FNBP4: variants seen among roughly 807,000 people sequenced by gnomAD.
FNBP4 encodes the protein formin-binding protein 4.
FNBP4 carries 34 observed loss-of-function variants against 119.3 expected under a neutral mutation model. That is an observed-to-expected ratio of 0.28 (90% CI 0.22 to 0.38). FNBP4 has a LOEUF of 0.38. Among genes scored for constraint, FNBP4 ranks in the 10% least tolerant of loss-of-function variants. The pLI is 1.00. For synonymous variants in FNBP4, 462 were observed against 430.6 expected (o/e 1.07, Z -0.90); for missense variants, 1,112 against 1,228.9 (o/e 0.90, Z 1.42).
At position 47,731,304 on chromosome 11, in the gene FNBP4, T is replaced by C. The variant is rs550461320; in HGVS notation, c.2008+70A>G. On this transcript the variant is annotated intron_variant, in intron 12 of 16. Transcript: ENST00000263773. ...ATTATTATGACATAAAATCTTTTAA[T>C]AATGTAAATTAATAAGATTTTTCCT... is the stretch of plus-strand genomic sequence containing the variant. The C allele has an allele frequency of 1.1e-4, 156 of 1,388,922 alleles. No homozygotes were observed. The African/African-American group carries it at 2.0e-3, about 17-fold the overall frequency. The allele number at this position is 1,388,922 out of a possible 1,614,324, so 86.0% of individuals were successfully genotyped here.
intron 2 of FNBP4, among the ~76,000 whole-genome samples, chr11:47,764,274 G>A (rs1354298539): frequency 6.6e-6 from 1 of 152,076 alleles, no homozygotes; most frequent in Non-Finnish European, 1.5e-5. Flanking sequence ...TAGAGATGGG[G>A]TTTCACCATG....
chr11:47,739,565 A>C (rs535942805), intron 8 of FNBP4, among the ~76,000 whole-genome samples: 4 of 152,318 alleles, frequency 2.6e-5, no homozygotes, highest in African/African-American at 9.6e-5. Context: ...TACATAAAAT[A>C]TATTCATCAG....
intron 2 of FNBP4, among the ~76,000 whole-genome samples, chr11:47,763,731 A>C (rs1373513626): frequency 6.6e-6 from 1 of 152,006 alleles, no homozygotes; most frequent in Non-Finnish European, 1.5e-5. Flanking sequence ...CGATCTCCTG[A>C]CGTCATTATC....
At chr11:47,731,106 T>C (rs1185518639) in intron 12 of FNBP4, among the ~76,000 whole-genome samples, 1 of 152,200 alleles carries the variant, frequency 6.6e-6, no homozygotes, top group Non-Finnish European at 1.5e-5. Flanking sequence ...GCTTAGTCAG[T>C]GGCATGATAG....
intron 12 of FNBP4, chr11:47,726,223 A>C (rs1051269756): frequency 1.3e-5 from 2 of 152,132 alleles, no homozygotes; most frequent in Non-Finnish European, 2.9e-5. Context: ...CTGGCACTCA[A>C]CAAGGTAAAA....
At chr11:47,749,455 A>C (rs1403837733) in intron 6 of FNBP4, among the ~76,000 whole-genome samples, 1 of 152,108 alleles carries the variant, frequency 6.6e-6, no homozygotes. Flanking sequence ...GCTACTCGGG[A>C]AGTTGAGGCA....
rs1343618603 is a variant in FNBP4 at position 47,717,102 on chromosome 11, GGAGTCCTCTACAGAAGTGTTATACTCAT to G, written c.*292_*319del. The G allele has an allele frequency of 1.1e-5, 2 of 190,346 alleles. No homozygotes were observed. The highest frequency in any genetic ancestry group is 2.6e-4 in the East Asian group (2 of 7,800). 11.8% of individuals were successfully genotyped at this position (190,346 alleles called of 1,614,324 possible). ...GAAGTTAATTCTTCACTTTTGTCAGGGAGTCCTCTACAGAAGTGTTATACTCATGAGCCACATGTTCTTCAAGACTGAT... is the reference window on the plus strand; with the variant it reads ...GAAGTTAATTCTTCACTTTTGTCAGGGAGCCACATGTTCTTCAAGACTGAT... On this transcript the variant is annotated 3_prime_UTR_variant, in exon 17 of 17. Transcript: ENST00000263773.
rs900015692 is a variant in FNBP4, at chr11:47,766,954, G to C, written c.220+115C>G. On this transcript the variant is annotated intron_variant, in intron 1 of 16. Coordinates refer to ENST00000263773, the MANE Select transcript of FNBP4 (RefSeq NM_015308.5). ...CCGCCCCGCCTGCAGGCCCGCAGCA[G>C]GCAGGCCTCGGAAGCCGACCTCGCC... is the stretch of plus-strand genomic sequence containing the variant. 6 of 1,383,956 alleles carry C rather than the reference G, an allele frequency of 4.3e-6. No homozygotes were observed. The African/African-American group carries it at 7.6e-5, about 18-fold the overall frequency. The allele number at this position is 1,383,956 out of a possible 1,614,324, so 85.7% of individuals were successfully genotyped here.
chr11:47,718,316 C>A (rs1016352339), intron 16 of FNBP4, among the ~76,000 whole-genome samples: 1 of 151,994 alleles, frequency 6.6e-6, no homozygotes. Context: ...TAGGTCCAAG[C>A]GATTCTCCTG....
At chr11:47,757,562 T>C (rs1410041206) in intron 2 of FNBP4, among the ~76,000 whole-genome samples, 1 of 150,322 alleles carries the variant, frequency 6.7e-6, no homozygotes, top group Non-Finnish European at 1.5e-5. Context: ...GGCGCAATCT[T>C]GGCTCATTGC....
Position 47,717,356 on chromosome 11 carries a change from C to A in FNBP4, c.*66G>T. The A allele has an allele frequency of 9.3e-7, 1 of 1,078,590 alleles. No homozygotes were observed. The highest frequency in any genetic ancestry group is 1.4e-6 in the Non-Finnish European group (1 of 729,434). The allele number at this position is 1,078,590 out of a possible 1,614,324, so 66.8% of individuals were successfully genotyped here. A position where few individuals can be genotyped will look rare whatever the true frequency, so the allele number is the denominator to read the frequency against. ...ATTTATAGTTTATTTGACAATAAAA[C>A]TGGTTAAGACTTTGAACTGAACACA... On this transcript the variant is annotated 3_prime_UTR_variant, in exon 17 of 17. Transcript: ENST00000263773.
At chr11:47,753,153 A>G (rs757917844) in intron 3 of FNBP4, 51 bp from the exon 4 acceptor site, 1 of 1,456,552 alleles carries the variant, frequency 6.9e-7, no homozygotes, top group Non-Finnish European at 9.3e-7. Context: ...AAAACAAGAA[A>G]CTTAAGGAAA....
rs757472760 is a variant in FNBP4 at position 47,723,062 on chromosome 11, G to T, written c.2719C>A (p.Pro907Thr). The T allele has an allele frequency of 1.1e-5, 18 of 1,601,090 alleles. No homozygotes were observed. In the Admixed American group the frequency reaches 3.2e-4, roughly 28 times the overall value. Residue 907 changes from proline to threonine, a missense_variant, in exon 15 of 17, where the codon CCA (proline) becomes ACA (threonine). This residue lies in a region of FNBP4 where 826 missense variants were observed against 988.8 expected (regional missense o/e 0.84). Transcript: ENST00000263773. ...VPTATIIEPP[P>T]PPPPPPPPPP... ...GGAGGAGGAGGAGGAGGAGGTGGTG[G>T]TGGTGGTTCTATAATGGTAGCGGTA...
rs150185975 is a variant in FNBP4 at position 47,720,116 on chromosome 11, T to C, written c.2806-30A>G. 3,289 of 1,590,490 alleles carry C rather than the reference T, an allele frequency of 2.1e-3. 5 individuals carry two copies. Among genetic ancestry groups the C allele is most frequent in the Middle Eastern group, 8.5e-3 (51 of 5,988 alleles). ...AACAAAGGTTAAAGGTCAAAAGGAA[T>C]AGAAAACATAAAATAAGGATAAGCG... On this transcript the variant is annotated intron_variant, in intron 15 of 16. Coordinates refer to ENST00000263773, the MANE Select transcript of FNBP4 (RefSeq NM_015308.5).
intron 7 of FNBP4, among the ~76,000 whole-genome samples, 168 bp from the exon 8 acceptor site, chr11:47,744,331 T>C (rs1326327511): frequency 6.6e-6 from 1 of 152,064 alleles, no homozygotes; most frequent in Non-Finnish European, 1.5e-5. Context: ...TGGAGTGCAG[T>C]GGCATGATCA....
chr11:47,734,977 C>CA (rs2097572010), intron 9 of FNBP4, among the ~76,000 whole-genome samples: 2 of 98,166 alleles, frequency 2.0e-5, no homozygotes, highest in African/African-American at 7.7e-5. Flanking sequence ...ATCACCCCAA[C>CA]ACCCCCCCCC....
Position 47,724,111 on chromosome 11 carries a change from G to A in FNBP4, c.2381C>T (p.Thr794Ile). The change falls in exon 14 of 17, where the codon ACA (threonine) becomes ATA (isoleucine). Residue 794 changes from threonine (T) to isoleucine (I), a missense_variant. By Grantham distance (89) the Thr-to-Ile change is moderately conservative (BLOSUM62 -1). Around this residue, in one of 2 missense-constraint regions of FNBP4, gnomAD observed 826 missense variants for 988.8 expected, o/e 0.84. Transcript: ENST00000263773. Reference protein sequence around the residue: ...SSTKGIKRKATEISTAVVQRS... With the variant: ...SSTKGIKRKAIEISTAVVQRS... ...CTGAACCACTGCAGTGCTAATTTCT[G>A]TAGCTTTCCTCTTTATTCCTTTAGT... 6.2e-7 allele frequency: 1 copy of A among 1,614,188 alleles called. No individual in the cohort carries two copies. Among genetic ancestry groups the A allele is most frequent in the Non-Finnish European group, 8.5e-7 (1 of 1,180,020 alleles).
chr11:47,765,851 C>CTTTTT (rs1167976570), intron 1 of FNBP4, among the ~76,000 whole-genome samples: 2,369 of 82,084 alleles, frequency 0.029, 389 homozygotes, highest in African/African-American at 0.1. Context: ...GAGCTGGAAT[C>CTTTTT]TTTTTTTTTT....
intron 7 of FNBP4, among the ~76,000 whole-genome samples, chr11:47,745,058 C>T (rs1450214437): frequency 6.6e-6 from 1 of 152,098 alleles, no homozygotes; most frequent in Non-Finnish European, 1.5e-5. Context: ...ATCTCTTAAT[C>T]CTGTTATCTT....
Sources: gnomAD v4.1 joint callset for allele counts (sites outside exome capture counted in the v4.1 genomes callset) on GRCh38, gnomAD v4.1.1 for gene constraint, gnomAD v4.1.1 regional missense constraint, MANE v1.5 for transcripts, NCBI Gene and HGNC (gene_info 2026-07-23, HGNC 2026-07-21) for gene names.